Variants in KLHL28 observed in about 807,000 individuals in gnomAD.
KLHL28 encodes the protein kelch-like protein 28.
In KLHL28, 22 loss-of-function variants were observed where a neutral mutation model predicts 48.3. That is an observed-to-expected ratio of 0.46 (90% CI 0.33 to 0.65). KLHL28 has a LOEUF of 0.65. KLHL28 is among the 30% of genes least tolerant of loss of function. KLHL28 has a pLI of 0.03. For missense variants in KLHL28, 527 were observed against 704.3 expected (o/e 0.75, Z 2.85); for synonymous variants, 243 against 242.4 (o/e 1.00, Z -0.02).
Position 44,934,193 on chromosome 14 carries a change from G to C in KLHL28, c.1265C>G (p.Thr422Arg), listed in dbSNP as rs1224998026. The C allele has an allele frequency of 5.6e-6, 9 of 1,613,982 alleles. No homozygotes were observed. The highest frequency in any genetic ancestry group is 1.6e-4 in the Middle Eastern group (1 of 6,084). Reference protein sequence around the residue: ...KWQPVAPMTTTRSCFAAAVLD... With the variant: ...KWQPVAPMTTRRSCFAAAVLD... ...TACCGCTGCAGCAAAACAACTTCTT[G>C]TTGTCGTCATTGGTGCCACAGGTTG... The change falls in exon 3 of 5, where the codon ACA becomes AGA. Residue 422 changes from threonine (T) to arginine (R), a missense_variant. Transcript: ENST00000396128.
At chr14:44,955,264 C>T (rs973204213) in intron 1 of KLHL28, among the ~76,000 whole-genome samples, 13 of 151,196 alleles carry the variant, frequency 8.6e-5, no homozygotes, top group Non-Finnish European at 1.5e-4. Context: ...ACATAAAATA[C>T]ATGTGAGCTA....
chr14:44,933,609 C>T (rs2138588362), intron 3 of KLHL28, among the ~76,000 whole-genome samples: 1 of 152,172 alleles, frequency 6.6e-6, no homozygotes, highest in Middle Eastern at 3.4e-3. Context: ...CTACAGAATA[C>T]AGATATCACA....
intron 1 of KLHL28, among the ~76,000 whole-genome samples, chr14:44,950,845 T>C (rs1884550233): frequency 6.6e-6 from 1 of 152,208 alleles, no homozygotes; most frequent in African/African-American, 2.4e-5. Context: ...TTGCCAACTA[T>C]ATCCATGAAA....
intron 2 of KLHL28, among the ~76,000 whole-genome samples, chr14:44,935,477 A>G (rs932220549): frequency 2.0e-5 from 3 of 152,158 alleles, no homozygotes; most frequent in African/African-American, 7.2e-5. Context: ...AGAAAGATAA[A>G]GTATATTATG....
chr14:44,934,688 A>G (rs1207215968), intron 2 of KLHL28, 130 bp from the exon 3 acceptor site: 2 of 645,806 alleles, frequency 3.1e-6, no homozygotes, highest in East Asian at 5.9e-5. Context: ...CACCTTCCAA[A>G]GTGGCAAAAA....
chr14:44,940,501 G>A (rs558522689), intron 2 of KLHL28, among the ~76,000 whole-genome samples: 1 of 152,238 alleles, frequency 6.6e-6, no homozygotes, highest in East Asian at 1.9e-4. Flanking sequence ...GACTCCTTAT[G>A]TATAAGTAGA....
At position 44,936,749 on chromosome 14, in the gene KLHL28, G is replaced by A. The variant is rs117428938; in HGVS notation, c.900-2191C>T. Reference sequence around the variant, plus strand: ...TTGAATTTAACTAGATGAGTATGACGGAGGAACAGAAAGGCAAAGGGGCCA... The same window carrying A: ...TTGAATTTAACTAGATGAGTATGACAGAGGAACAGAAAGGCAAAGGGGCCA... On this transcript the variant is annotated intron_variant, in intron 2 of 4. Transcript: ENST00000396128. Among the ~76,000 whole-genome samples, 58 of 152,256 alleles carry A rather than the reference G, an allele frequency of 3.8e-4. 1 individual carries two copies. In the East Asian group the frequency reaches 3.9e-3, roughly 10 times the overall value.
Position 44,934,164 on chromosome 14 carries a change from C to T in KLHL28, c.1294G>A (p.Asp432Asn). 1 of 1,614,096 alleles carries T rather than the reference C, an allele frequency of 6.2e-7. No homozygotes were observed. The highest frequency in any genetic ancestry group is 1.1e-5 in the South Asian group (1 of 91,082). ...TRSCFAAAVL[D>N]GMIYAIGGYG... Reference sequence around the variant, plus strand: ...CCACCAATGGCATATATCATTCCATCCAATACCGCTGCAGCAAAACAACTT... The same window carrying T: ...CCACCAATGGCATATATCATTCCATTCAATACCGCTGCAGCAAAACAACTT... Residue 432 changes from aspartate (D) to asparagine (N), a missense_variant, in exon 3 of 5, where the codon GAT (aspartate) becomes AAT (asparagine). Asp to Asn is a conservative substitution (Grantham distance 23). Coordinates refer to ENST00000396128, the MANE Select transcript of KLHL28 (RefSeq NM_017658.5).
At chr14:44,932,925 T>G (rs948795954) in intron 3 of KLHL28, among the ~76,000 whole-genome samples, 5 of 152,164 alleles carry the variant, frequency 3.3e-5, no homozygotes, top group Admixed American at 2.6e-4. Context: ...GTGCCATCAC[T>G]TTCTCAGTCA....
At chr14:44,957,482 C>T (rs1884843210) in intron 1 of KLHL28, among the ~76,000 whole-genome samples, 1 of 152,130 alleles carries the variant, frequency 6.6e-6, no homozygotes, top group Non-Finnish European at 1.5e-5. Flanking sequence ...CTACACATTA[C>T]ATACAAAAAA....
At chr14:44,947,077 G>A (rs1884369910) in intron 1 of KLHL28, among the ~76,000 whole-genome samples, 1 of 152,164 alleles carries the variant, frequency 6.6e-6, no homozygotes, top group African/African-American at 2.4e-5. Context: ...ATGGCAAAAA[G>A]GGACTTTGGA....
chr14:44,945,653 A>G lies in KLHL28; in HGVS notation c.276T>C (p.Tyr92=). The G allele has an allele frequency of 6.2e-7, 1 of 1,614,212 alleles. No homozygotes were observed. Residue 92 remains tyrosine (Y), a synonymous_variant, in exon 2 of 5, where the codon TAT becomes TAC. Coordinates refer to ENST00000396128, the MANE Select transcript of KLHL28 (RefSeq NM_017658.5). ...DETALQAIVE[Y]AYTGTVFISQ... Reference sequence around the variant, plus strand: ...AAATAAAAACAGTCCCTGTATAGGCATACTCCACAATGGCCTGGAGAGCAG... The same window carrying G: ...AAATAAAAACAGTCCCTGTATAGGCGTACTCCACAATGGCCTGGAGAGCAG...
chr14:44,938,811 T>G (rs1213593038), intron 2 of KLHL28, among the ~76,000 whole-genome samples: 1 of 152,118 alleles, frequency 6.6e-6, no homozygotes, highest in African/African-American at 2.4e-5. Flanking sequence ...CCCATACAGC[T>G]CTCACTGGTT....
At chr14:44,938,171 TAAGCGAGAGTC>T (rs1351701581) in intron 2 of KLHL28, among the ~76,000 whole-genome samples, 4 of 152,152 alleles carry the variant, frequency 2.6e-5, no homozygotes, top group Non-Finnish European at 5.9e-5. Context: ...AAATCATATA[TAAGCGAGAGTC>T]AAGGCATGAT....
intron 1 of KLHL28, among the ~76,000 whole-genome samples, chr14:44,949,064 T>C (rs1420143566): frequency 6.6e-6 from 1 of 152,076 alleles, no homozygotes; most frequent in Non-Finnish European, 1.5e-5. Flanking sequence ...CTTTGTAAAT[T>C]CATCTCTCTC....
intron 1 of KLHL28, chr14:44,961,016 T>G: frequency 1.4e-6 from 1 of 724,906 alleles, no homozygotes. Flanking sequence ...AAAAAATATC[T>G]CTTCCACACT....
intron 2 of KLHL28, among the ~76,000 whole-genome samples, chr14:44,943,803 C>T (rs945629351): frequency 5.3e-5 from 8 of 150,502 alleles, no homozygotes; most frequent in Non-Finnish European, 1.0e-4. Flanking sequence ...CAACTTCAAA[C>T]TCCTGGGCCT....
At position 44,924,444 on chromosome 14, in the gene KLHL28, T is replaced by C. The variant is rs1014656436; in HGVS notation, c.*4584A>G. 6.6e-6 allele frequency: 1 copy of C among 152,622 alleles called. No individual in the cohort carries two copies. Among genetic ancestry groups the C allele is most frequent in the African/African-American group, 2.4e-5 (1 of 41,462 alleles). 9.5% of individuals were successfully genotyped at this position (152,622 alleles called of 1,614,324 possible). On this transcript the variant is annotated 3_prime_UTR_variant, in exon 5 of 5. Transcript: ENST00000396128. ...TTAAAATAAAAAAGAATACAATTCT[T>C]AACTAGTTAAATGACACTTTAGTGT...
Position 44,945,566 on chromosome 14 carries a change from C to T in KLHL28, c.363G>A (p.Leu121=). 1 of 1,614,150 alleles carries T rather than the reference C, an allele frequency of 6.2e-7. No individual in the cohort carries two copies. Among genetic ancestry groups the T allele is most frequent in the Non-Finnish European group, 8.5e-7 (1 of 1,180,028 alleles). ...TTTCAAGAAATGCACAACATTCTTT[C>T]AGGACAAGTTTTATCTGGAGTAGGT... ...AANLLQIKLV[L]KECCAFLESQ... The change falls in exon 2 of 5, where the codon CTG becomes CTA. Residue 121 remains leucine (L), a synonymous_variant. Coordinates refer to ENST00000396128, the MANE Select transcript of KLHL28 (RefSeq NM_017658.5).
Sources: gnomAD v4.1 joint callset for allele counts (sites outside exome capture counted in the v4.1 genomes callset) on GRCh38, gnomAD v4.1.1 for gene constraint, MANE v1.5 for transcripts, NCBI Gene and HGNC (gene_info 2026-07-23, HGNC 2026-07-21) for gene names.